ATP2B2: variants seen among roughly 807,000 people sequenced by gnomAD.
ATP2B2 encodes ATPase plasma membrane Ca2+ transporting 2.
Under a neutral mutation model 120.0 loss-of-function variants are expected in ATP2B2, and 15 were observed. The observed-to-expected ratio is 0.12, with a 90% confidence interval of 0.08 to 0.19. The LOEUF is 0.19. Among genes scored for constraint, ATP2B2 ranks in the 10% least tolerant of loss-of-function variants. ATP2B2 has a pLI of 1.00. For missense variants in ATP2B2, 1,045 were observed against 1,719.8 expected, an observed-to-expected ratio of 0.61 and a Z score of 6.94; for synonymous variants, 694 against 700.3, an observed-to-expected ratio of 0.99 and a Z score of 0.14.
At chr3:10,580,102 T>C (rs1056966575) in intron 2 of ATP2B2, among the ~76,000 whole-genome samples, 2 of 151,784 alleles carry the variant, frequency 1.3e-5, no homozygotes, top group African/African-American at 2.4e-5. Flanking sequence ...ACAGGGGGAG[T>C]GTGGATTACG....
At chr3:10,425,131 A>AAT (rs34219877) in intron 2 of ATP2B2, among the ~76,000 whole-genome samples, 90,948 of 147,142 alleles carry the variant, frequency 0.62, 28,035 homozygotes, top group South Asian at 0.77. Context: ...TCTCTACTAA[A>AAT]ATATATATAT....
At chr3:10,681,063 G>A (rs1337287741) in intron 1 of ATP2B2, among the ~76,000 whole-genome samples, 1 of 152,274 alleles carries the variant, frequency 6.6e-6, no homozygotes, top group South Asian at 2.1e-4. Context: ...TGATATGCCT[G>A]CTCCCCTTTC....
At chr3:10,439,795 C>T (rs1019037981) in intron 2 of ATP2B2, among the ~76,000 whole-genome samples, 1 of 152,004 alleles carries the variant, frequency 6.6e-6, no homozygotes, top group Non-Finnish European at 1.5e-5. Context: ...GCAGGAGGTT[C>T]GCTTAAGGCC....
chr3:10,363,394 G>A (rs1220036499), intron 12 of ATP2B2, among the ~76,000 whole-genome samples: 1 of 152,212 alleles, frequency 6.6e-6, no homozygotes, highest in Non-Finnish European at 1.5e-5. Context: ...CAGGCCCTGG[G>A]GAGAAAAGGC....
intron 1 of ATP2B2, among the ~76,000 whole-genome samples, chr3:10,456,123 A>G (rs564220648): frequency 1.3e-4 from 20 of 152,338 alleles, no homozygotes; most frequent in African/African-American, 4.8e-4. Flanking sequence ...AGTTAATTTA[A>G]CAAAGAAGGA....
chr3:10,511,905 G>GCTGCCTCC (rs1271990449), intron 3 of ATP2B2, among the ~76,000 whole-genome samples: 1 of 152,172 alleles, frequency 6.6e-6, no homozygotes, highest in Non-Finnish European at 1.5e-5. Flanking sequence ...TTGCTGAAAG[G>GCTGCCTCC]CTGCCTCCCT....
chr3:10,413,894 A>C (rs1559306777), intron 2 of ATP2B2, among the ~76,000 whole-genome samples: 1 of 152,196 alleles, frequency 6.6e-6, no homozygotes, highest in East Asian at 1.9e-4. Flanking sequence ...AGAGTTCAAG[A>C]GGGCCGTGGG....
chr3:10,621,891 G>C (rs1037547738), intron 1 of ATP2B2, among the ~76,000 whole-genome samples: 2 of 152,228 alleles, frequency 1.3e-5, no homozygotes, highest in African/African-American at 4.8e-5. Flanking sequence ...ACCAGGCTGT[G>C]CTCCCGGGCT....
intron 1 of ATP2B2, among the ~76,000 whole-genome samples, chr3:10,501,021 G>A (rs1226496694): frequency 1.3e-5 from 2 of 152,162 alleles, no homozygotes; most frequent in African/African-American, 2.4e-5. Flanking sequence ...CGCCAGTGAT[G>A]AGCCGGCCTG....
intron 2 of ATP2B2, among the ~76,000 whole-genome samples, chr3:10,536,166 A>G (rs993628837): frequency 3.9e-5 from 6 of 152,106 alleles, no homozygotes; most frequent in African/African-American, 1.2e-4. Flanking sequence ...TGTCATCTAT[A>G]TATACTCTTT....
intron 2 of ATP2B2, among the ~76,000 whole-genome samples, chr3:10,557,880 G>T (rs2067815822): frequency 6.6e-6 from 1 of 152,150 alleles, no homozygotes; most frequent in African/African-American, 2.4e-5. Context: ...GCTTATAGGG[G>T]AGGAGGGCAA....
At chr3:10,360,376 A>G (rs1046394900) in intron 12 of ATP2B2, among the ~76,000 whole-genome samples, 5 of 152,282 alleles carry the variant, frequency 3.3e-5, no homozygotes, top group Non-Finnish European at 7.3e-5. Flanking sequence ...CATGAAAAAG[A>G]GAATGATGTA....
intron 5 of ATP2B2, among the ~76,000 whole-genome samples, chr3:10,396,265 C>T (rs1174617344): frequency 6.6e-6 from 1 of 152,256 alleles, no homozygotes; most frequent in Admixed American, 6.5e-5. Context: ...TGCCTGTGGT[C>T]CCCACAACAG....
upstream of ATP2B2, among the ~76,000 whole-genome samples, chr3:10,509,697 G>A (rs1473859649): frequency 6.6e-6 from 1 of 152,160 alleles, no homozygotes. Flanking sequence ...GGATCCAGGG[G>A]ACCACACGGG....
chr3:10,401,126 A>T, intron 4 of ATP2B2, 48 bp from the exon 5 acceptor site: 4 of 1,609,640 alleles, frequency 2.5e-6, no homozygotes, highest in Non-Finnish European at 3.4e-6. Context: ...AGGTGACTAG[A>T]GGGCTGGAAC....
chr3:10,686,468 C>T (rs1421788979), intron 1 of ATP2B2, among the ~76,000 whole-genome samples: 3 of 152,110 alleles, frequency 2.0e-5, no homozygotes, highest in Non-Finnish European at 4.4e-5. Flanking sequence ...TCCTGGCTAA[C>T]ACGGTGAAAC....
Position 10,359,892 on chromosome 3 carries a change from C to T in ATP2B2, c.1891G>A (p.Val631Met), listed in dbSNP as rs61736451. Residue 631 changes from valine (V) to methionine (M), a missense_variant, in exon 13 of 23, where the codon GTG (valine) becomes ATG (methionine). Coordinates refer to ENST00000360273, the MANE Select transcript of ATP2B2 (RefSeq NM_001001331.4). ...RMYSKGASEI[V>M]LKKCCKILNG... ...CTGCCCAGCGCTTACTTCTTGAGCA[C>T]GATCTCAGAAGCCCCCTTGCTGTAC... is the stretch of plus-strand genomic sequence containing the variant. 9.4e-3 allele frequency: 15,227 copies of T among 1,614,226 alleles called. 143 individuals are homozygous for T. The highest frequency in any genetic ancestry group is 0.041 in the Admixed American group (2,471 of 60,026).
At chr3:10,559,624 C>T (rs1223223771) in intron 2 of ATP2B2, among the ~76,000 whole-genome samples, 1 of 152,156 alleles carries the variant, frequency 6.6e-6, no homozygotes, top group Non-Finnish European at 1.5e-5. Flanking sequence ...TCAAGGTCAC[C>T]CAGCCCAGGG....
intron 9 of ATP2B2, among the ~76,000 whole-genome samples, chr3:10,378,762 T>C (rs1316063408): frequency 6.6e-6 from 1 of 152,192 alleles, no homozygotes; most frequent in Non-Finnish European, 1.5e-5. Flanking sequence ...AGGCTTGGGC[T>C]CTACCCAGCT....
Sources: allele counts gnomAD v4.1 joint callset (sites outside exome capture counted in the v4.1 genomes callset), GRCh38; gene constraint gnomAD v4.1.1; transcripts MANE v1.5; gene names NCBI Gene and HGNC (gene_info 2026-07-23, HGNC 2026-07-21).